PHACTR2: variants seen among roughly 807,000 people sequenced by gnomAD.
The protein encoded by PHACTR2 is phosphatase and actin regulator 2.
In PHACTR2, 30 loss-of-function variants were observed where a neutral mutation model predicts 76.0. The observed-to-expected ratio is 0.39, with a 90% confidence interval of 0.30 to 0.54. PHACTR2 has a LOEUF of 0.54. PHACTR2 is among the 20% of genes least tolerant of loss of function. The probability of loss-of-function intolerance (pLI) is 0.61; values close to 1 mark genes in which losing one functional copy is unlikely to be tolerated. For missense variants in PHACTR2, 696 were observed against 781.1 expected, an observed-to-expected ratio of 0.89 and a Z score of 1.30; for synonymous variants, 292 against 292.5, an observed-to-expected ratio of 1.00 and a Z score of 0.02.
chr6:143,677,497 C>T (rs918542846), upstream of PHACTR2, among the ~76,000 whole-genome samples: 2 of 151,998 alleles, frequency 1.3e-5, no homozygotes, highest in East Asian at 3.9e-4. Flanking sequence ...TGATCTCACA[C>T]GTAGACCTAC....
rs1165739549 is a variant in PHACTR2 at position 143,688,312 on chromosome 6, C to T, written c.46+10103C>T. On this transcript the variant is annotated intron_variant, in intron 1 of 12. Transcript: ENST00000440869. The surrounding 1 kb of genome is among the most constrained non-coding windows in gnomAD (Gnocchi z 5.2). ...CAAGAAGTAGGCTGGAATAATCCAGCAAGGTGAAGTGGATGCCTGATCTGG... is the reference window on the plus strand; with the variant it reads ...CAAGAAGTAGGCTGGAATAATCCAGTAAGGTGAAGTGGATGCCTGATCTGG... 1.3e-5 allele frequency among the ~76,000 whole-genome samples: 2 copies of T among 151,604 alleles called. No individual in the cohort carries two copies. Among genetic ancestry groups the T allele is most frequent in the Admixed American group, 1.3e-4 (2 of 15,246 alleles).
intron 12 of PHACTR2, among the ~76,000 whole-genome samples, chr6:143,815,085 G>A (rs1776270567): frequency 6.6e-6 from 1 of 152,162 alleles, no homozygotes; most frequent in African/African-American, 2.4e-5. Context: ...CTCCACCGAG[G>A]AATGGAAAGG....
intron 1 of PHACTR2, among the ~76,000 whole-genome samples, chr6:143,586,157 A>G (rs1387586309): frequency 6.6e-6 from 1 of 152,254 alleles, no homozygotes; most frequent in Admixed American, 6.5e-5. Context: ...GTGGAAAGAC[A>G]TGATAATTAT....
upstream of PHACTR2, among the ~76,000 whole-genome samples, chr6:143,607,651 T>G (rs17072815): frequency 6.2e-3 from 946 of 152,300 alleles, 22 homozygotes; most frequent in East Asian, 0.091. Flanking sequence ...TGAACATAAC[T>G]AAAATGGAAT....
rs991343081 is a variant in PHACTR2, at chr6:143,831,083, G to A, written c.*7394G>A. ...TTTAACTTGCTATCTTTTTATGTCT[G>A]AGGTATTTGATATTGATGTTTTTAT... On this transcript the variant is annotated 3_prime_UTR_variant, in exon 13 of 13. Coordinates refer to ENST00000440869, the MANE Select transcript of PHACTR2 (RefSeq NM_001100164.2). The surrounding 1 kb of genome is among the most constrained non-coding windows in gnomAD (Gnocchi z 5.2). 6.6e-6 allele frequency: 1 copy of A among 152,056 alleles called. No homozygotes were observed. Among genetic ancestry groups the A allele is most frequent in the African/African-American group, 2.4e-5 (1 of 41,394 alleles). The allele number at this position is 152,056 out of a possible 1,614,324, so 9.4% of individuals were successfully genotyped here.
intron 1 of PHACTR2, among the ~76,000 whole-genome samples, chr6:143,569,235 G>A (rs117539085): frequency 2.0e-5 from 3 of 152,266 alleles, no homozygotes; most frequent in East Asian, 1.9e-4. Flanking sequence ...TGAGAAGCTC[G>A]TGCATAATTC....
At chr6:143,813,499 T>C (rs1247508956) in intron 12 of PHACTR2, among the ~76,000 whole-genome samples, 1 of 151,406 alleles carries the variant, frequency 6.6e-6, no homozygotes, top group African/African-American at 2.4e-5. Context: ...GCGCCTGTAG[T>C]GCCAGCTACT....
chr6:143,595,104 A>G lies in PHACTR2; in HGVS notation c.217+57897A>G, dbSNP rs564762573. 3.9e-5 allele frequency among the ~76,000 whole-genome samples: 6 copies of G among 152,210 alleles called. No homozygotes were observed. The highest frequency in any genetic ancestry group is 8.8e-5 in the Non-Finnish European group (6 of 68,040). The stretch of plus-strand genomic sequence containing the variant: ...AGAAGCAAGACAATTTTAGATTCTC[A>G]TAGTAAGAACAAATTTAGACACCTT... On this transcript the variant is annotated intron_variant, in intron 1 of 11. Coordinates refer to the PHACTR2 transcript ENST00000367584. The surrounding 1 kb of genome is among the most constrained non-coding windows in gnomAD (Gnocchi z 4.2).
intron 1 of PHACTR2, among the ~76,000 whole-genome samples, chr6:143,551,136 C>T (rs536501851): frequency 1.3e-5 from 2 of 151,872 alleles, no homozygotes; most frequent in Admixed American, 6.6e-5. Context: ...TTACCCAAAA[C>T]ATGAAAAGAC....
intron 1 of PHACTR2, among the ~76,000 whole-genome samples, chr6:143,626,729 C>G (rs1328060227): frequency 6.6e-6 from 1 of 152,072 alleles, no homozygotes; most frequent in Non-Finnish European, 1.5e-5. Flanking sequence ...AAACGTTGCT[C>G]TTAAGAGCTT....
intron 1 of PHACTR2, chr6:143,555,214 C>A (rs1775156499): frequency 6.6e-6 from 1 of 152,072 alleles, no homozygotes; most frequent in South Asian, 2.1e-4. Context: ...GTCGAGCCTG[C>A]CGAGCTTAAT....
rs1413723469 is a variant in PHACTR2 at position 143,831,053 on chromosome 6, T to G, written c.*7364T>G. On this transcript the variant is annotated 3_prime_UTR_variant, in exon 13 of 13. Transcript: ENST00000440869. This position sits in a 1 kb window ranked among gnomAD's most constrained non-coding sequence, Gnocchi z 5.2. ...CTGCTCTTAAAAGAAACTTCCAGTA[T>G]TTTTTTTAACTTGCTATCTTTTTAT... The G allele has an allele frequency of 9.2e-5, 14 of 152,130 alleles. No homozygotes were observed. The highest frequency in any genetic ancestry group is 1.0e-4 in the Non-Finnish European group (7 of 67,968). The allele number at this position is 152,130 out of a possible 1,614,324, so 9.4% of individuals were successfully genotyped here. A position where few individuals can be genotyped will look rare whatever the true frequency, so the allele number is the denominator to read the frequency against.
At chr6:143,752,038 C>T (rs1779193514) in intron 3 of PHACTR2, among the ~76,000 whole-genome samples, 2 of 151,980 alleles carry the variant, frequency 1.3e-5, no homozygotes, top group African/African-American at 4.8e-5. Flanking sequence ...AAGTATTTTC[C>T]ACATTGTTGA....
At chr6:143,685,981 A>T (rs1291869847) in intron 1 of PHACTR2, among the ~76,000 whole-genome samples, 1 of 151,996 alleles carries the variant, frequency 6.6e-6, no homozygotes, top group Non-Finnish European at 1.5e-5. Flanking sequence ...AAAATATAGA[A>T]ATTAGCCAGG....
At chr6:143,564,177 GTGTGTA>G (rs1415490979) in intron 1 of PHACTR2, among the ~76,000 whole-genome samples, 3 of 34,692 alleles carry the variant, frequency 8.6e-5, no homozygotes, top group African/African-American at 2.7e-4. Flanking sequence ...ATATATGTGT[GTGTGTA>G]TGTGTGTGTG....
intron 1 of PHACTR2, among the ~76,000 whole-genome samples, chr6:143,568,260 T>G (rs1416205): frequency 2.0e-4 from 31 of 152,116 alleles, no homozygotes; most frequent in Non-Finnish European, 1.8e-4. Context: ...AGTTTTCTCC[T>G]CCATGAAATG....
Position 143,826,181 on chromosome 6 carries a change from G to A in PHACTR2, c.*2492G>A, listed in dbSNP as rs910809446. The A allele has an allele frequency of 6.6e-6, 1 of 152,192 alleles. No homozygotes were observed. Among genetic ancestry groups the A allele is most frequent in the African/African-American group, 2.4e-5 (1 of 41,440 alleles). 9.4% of individuals were successfully genotyped at this position (152,192 alleles called of 1,614,324 possible). On this transcript the variant is annotated 3_prime_UTR_variant, in exon 13 of 13. Transcript: ENST00000440869. Reference sequence around the variant, plus strand: ...GAATTAAAGGATTATGAGCTAAGCTGTATTTTGCAGAATATGGTTCTATTT... The same window carrying A: ...GAATTAAAGGATTATGAGCTAAGCTATATTTTGCAGAATATGGTTCTATTT...
In PHACTR2 at chr6:143,624,610, C is replaced by T. The variant is rs183458878; in HGVS notation, c.13+16288C>T. 3.9e-5 allele frequency among the ~76,000 whole-genome samples: 6 copies of T among 152,162 alleles called. No individual in the cohort carries two copies. Among genetic ancestry groups the T allele is most frequent in the Admixed American group, 6.5e-5 (1 of 15,272 alleles). On this transcript the variant is annotated intron_variant, in intron 1 of 11. Transcript: ENST00000305766. The surrounding 1 kb of genome is among the most constrained non-coding windows in gnomAD (Gnocchi z 4.6). ...GGAAGCAGTTTATTTTCATGGTATG[C>T]GGCTTTTTTCACATGGCTAAATTCC... is the stretch of plus-strand genomic sequence containing the variant.
At chr6:143,634,930 T>C (rs572048037) in intron 1 of PHACTR2, among the ~76,000 whole-genome samples, 62 of 152,294 alleles carry the variant, frequency 4.1e-4, no homozygotes, top group African/African-American at 1.4e-3. Context: ...ATTTTTTTTT[T>C]AGAAAGGAAA....
Sources: gnomAD v4.1 joint callset for allele counts (sites outside exome capture counted in the v4.1 genomes callset) on GRCh38, gnomAD v4.1.1 for gene constraint, Gnocchi (gnomAD v3.1) non-coding constraint, MANE v1.5 for transcripts, NCBI Gene and HGNC (gene_info 2026-07-23, HGNC 2026-07-21) for gene names.